The following ZNF609 variants were observed in gnomAD, a reference collection of about 807,000 sequenced individuals.
ZNF609 encodes zinc finger protein 609.
ZNF609 carries 11 observed loss-of-function variants against 109.5 expected under a neutral mutation model. That is an observed-to-expected ratio of 0.10 (90% CI 0.06 to 0.17). The LOEUF (loss-of-function observed/expected upper bound fraction) is 0.17. Ranked by LOEUF, ZNF609 falls within the 10% of genes least tolerant of loss-of-function variation. The pLI is 1.00. For missense variants in ZNF609, 1,559 were observed against 1,772.4 expected, an observed-to-expected ratio of 0.88 and a Z score of 2.16; for synonymous variants, 646 against 662.0, an observed-to-expected ratio of 0.98 and a Z score of 0.37.
intron 2 of ZNF609, among the ~76,000 whole-genome samples, chr15:64,512,847 G>A (rs1780779517): frequency 6.6e-6 from 1 of 151,482 alleles, no homozygotes; most frequent in Non-Finnish European, 1.5e-5. Flanking sequence ...AAACTTTTAG[G>A]TTTAGGGATA....
At chr15:64,559,018 G>A (rs144433732) in intron 2 of ZNF609, among the ~76,000 whole-genome samples, 1 of 152,066 alleles carries the variant, frequency 6.6e-6, no homozygotes, top group East Asian at 1.9e-4. Context: ...GCACTTTTTA[G>A]TGTCTGAGAG....
At chr15:64,528,284 A>G (rs947437894) in intron 2 of ZNF609, among the ~76,000 whole-genome samples, 4 of 151,704 alleles carry the variant, frequency 2.6e-5, no homozygotes, top group African/African-American at 9.7e-5. Context: ...TTTTTAGTAG[A>G]GATGGGGTTT....
At position 64,499,298 on chromosome 15, in the gene ZNF609, A is replaced by G; in HGVS notation, c.-122A>G. 1.5e-6 allele frequency: 2 copies of G among 1,297,822 alleles called. No homozygotes were observed. Among genetic ancestry groups the G allele is most frequent in the South Asian group, 3.1e-5 (2 of 64,980 alleles). The allele number at this position is 1,297,822 out of a possible 1,614,324, so 80.4% of individuals were successfully genotyped here. A position where few individuals can be genotyped will look rare whatever the true frequency, so the allele number is the denominator to read the frequency against. On this transcript the variant is annotated 5_prime_UTR_variant, in exon 2 of 10. It removes an upstream start codon present in the reference 5' UTR. Coordinates refer to ENST00000326648, the MANE Select transcript of ZNF609 (RefSeq NM_015042.2). Reference sequence around the variant, plus strand: ...TTTAAATTTTCTTTTTCCAGCAATGATGTTGTCCACTGGGCATGTACTGAC... The same window carrying G: ...TTTAAATTTTCTTTTTCCAGCAATGGTGTTGTCCACTGGGCATGTACTGAC...
intron 2 of ZNF609, among the ~76,000 whole-genome samples, chr15:64,534,672 C>T (rs1044866374): frequency 2.0e-5 from 3 of 151,966 alleles, no homozygotes; most frequent in African/African-American, 7.3e-5. Flanking sequence ...CAGTATATTC[C>T]CACCTCCATC....
chr15:64,678,342 T>A lies in ZNF609; in HGVS notation c.3629T>A (p.Val1210Asp). The change falls in exon 6 of 10, where the codon GTC (valine) becomes GAC (aspartate). Residue 1210 changes from valine to aspartate, a missense_variant. Transcript: ENST00000326648. ...RLGSKEPRPS[V>D]HVPVSSPLTQ... ...GGGAGCAAGGAGCCCCGGCCAAGTG[T>A]CCATGTGCCTGTGTCCTCCCCACTT... 1 of 1,614,080 alleles carries A rather than the reference T, an allele frequency of 6.2e-7. No individual in the cohort carries two copies.
chr15:64,588,570 C>T (rs934833094), intron 2 of ZNF609, among the ~76,000 whole-genome samples: 24 of 151,532 alleles, frequency 1.6e-4, no homozygotes, highest in Non-Finnish European at 2.9e-4. Flanking sequence ...GTCTCAAACT[C>T]CTGGGCTCAG....
At chr15:64,570,953 G>A (rs1029958434) in intron 2 of ZNF609, among the ~76,000 whole-genome samples, 9 of 152,160 alleles carry the variant, frequency 5.9e-5, no homozygotes, top group African/African-American at 2.2e-4. Context: ...TTGAACCTGG[G>A]AGGCGGAAGT....
chr15:64,579,893 A>G (rs1348117333), intron 2 of ZNF609, among the ~76,000 whole-genome samples: 1 of 152,228 alleles, frequency 6.6e-6, no homozygotes, highest in East Asian at 1.9e-4. Flanking sequence ...AGTCTTTTGT[A>G]TTTACCTACT....
chr15:64,543,191 C>T (rs1423076993), intron 2 of ZNF609, among the ~76,000 whole-genome samples: 1 of 151,366 alleles, frequency 6.6e-6, no homozygotes, highest in African/African-American at 2.4e-5. Flanking sequence ...TTAAAAATTC[C>T]AGTCTCTTAA....
chr15:64,541,862 A>AAAG (rs1567009714), intron 2 of ZNF609, among the ~76,000 whole-genome samples: 1 of 150,918 alleles, frequency 6.6e-6, no homozygotes, highest in African/African-American at 2.4e-5. Flanking sequence ...AAAAAAAAAA[A>AAAG]AAGTAGAATT....
In ZNF609 at chr15:64,681,992, T is replaced by C. The variant is rs1204291004; in HGVS notation, c.*306T>C. 1 of 152,868 alleles carries C rather than the reference T, an allele frequency of 6.5e-6. No individual in the cohort carries two copies. Among genetic ancestry groups the C allele is most frequent in the Non-Finnish European group, 1.5e-5 (1 of 68,234 alleles). 9.5% of individuals were successfully genotyped at this position (152,868 alleles called of 1,614,324 possible). A position where few individuals can be genotyped will look rare whatever the true frequency, so the allele number is the denominator to read the frequency against. On this transcript the variant is annotated 3_prime_UTR_variant, in exon 10 of 10. Transcript: ENST00000326648. The stretch of plus-strand genomic sequence containing the variant: ...GGCACGGGAAGCAACCAGGGGAACA[T>C]GGCCTCAGCCCAGAGAAGCCACTGC...
intron 2 of ZNF609, among the ~76,000 whole-genome samples, chr15:64,607,295 A>G (rs971329237): frequency 6.6e-6 from 1 of 152,138 alleles, no homozygotes; most frequent in African/African-American, 2.4e-5. Context: ...CATTATATAC[A>G]TTATCTGTAA....
Position 64,658,591 on chromosome 15 carries a change from A to G in ZNF609, c.974-11755A>G, listed in dbSNP as rs76775677. 1.0e-2 allele frequency among the ~76,000 whole-genome samples: 1,519 copies of G among 152,144 alleles called. 21 individuals carry two copies. Among genetic ancestry groups the G allele is most frequent in the Non-Finnish European group, 0.017 (1,159 of 68,000 alleles). On this transcript the variant is annotated intron_variant, in intron 3 of 9. Transcript: ENST00000326648. Reference sequence around the variant, plus strand: ...ACACACACACACACACACATTATATATAATATACATATTATGTATAATATA... The same window carrying G: ...ACACACACACACACACACATTATATGTAATATACATATTATGTATAATATA...
chr15:64,563,809 A>C (rs1894728700), intron 2 of ZNF609, among the ~76,000 whole-genome samples: 1 of 149,430 alleles, frequency 6.7e-6, no homozygotes, highest in Middle Eastern at 3.2e-3. Context: ...CAAAACAAAA[A>C]AACCCATATA....
Position 64,675,273 on chromosome 15 carries a change from A to C in ZNF609, c.2419A>C (p.Ile807Leu), listed in dbSNP as rs1383453494. The part of the protein sequence containing the change: ...SFTDNAPSPS[I>L]GGSSRLENTT... ...CACGGACAATGCCCCCAGCCCTTCCATTGGAGGCAGTAGCCGCCTTGAAAA... is the reference window on the plus strand; with the variant it reads ...CACGGACAATGCCCCCAGCCCTTCCCTTGGAGGCAGTAGCCGCCTTGAAAA... Residue 807 changes from isoleucine (I) to leucine (L), a missense_variant, in exon 5 of 10, where the codon ATT (isoleucine) becomes CTT (leucine). Transcript: ENST00000326648. 2.5e-6 allele frequency: 4 copies of C among 1,613,908 alleles called. No individual in the cohort carries two copies. In the Admixed American group the frequency reaches 6.7e-5, roughly 27 times the overall value.
At chr15:64,680,455 C>A in intron 7 of ZNF609, 95 bp downstream of exon 7, 2 of 1,494,122 alleles carry the variant, frequency 1.3e-6, no homozygotes, top group South Asian at 1.2e-5. Context: ...GTCCTGACCA[C>A]AGTGCAGCTT....
At position 64,576,956 on chromosome 15, in the gene ZNF609, G is replaced by A. The variant is rs1251423901; in HGVS notation, c.748-45871G>A. Among the ~76,000 whole-genome samples, 13 of 121,146 alleles carry A rather than the reference G, an allele frequency of 1.1e-4. 1 individual carries two copies. The highest frequency in any genetic ancestry group is 1.7e-4 in the Non-Finnish European group (10 of 58,586). 79.5% of individuals were successfully genotyped at this position (121,146 alleles called of 152,430 possible). A position where few individuals can be genotyped will look rare whatever the true frequency, so the allele number is the denominator to read the frequency against. ...TATACATATAAATATATACATATATGTATATATACACATAAATATATATAT... is the reference window on the plus strand; with the variant it reads ...TATACATATAAATATATACATATATATATATATACACATAAATATATATAT... On this transcript the variant is annotated intron_variant, in intron 2 of 9. Transcript: ENST00000326648.
chr15:64,651,979 G>C (rs990100123), intron 3 of ZNF609, among the ~76,000 whole-genome samples: 2 of 150,284 alleles, frequency 1.3e-5, no homozygotes, highest in Admixed American at 6.6e-5. Context: ...TTGTTGTTCA[G>C]AAATTAAAAA....
At position 64,665,799 on chromosome 15, in the gene ZNF609, G is replaced by A. The variant is rs183480087; in HGVS notation, c.974-4547G>A. Among the ~76,000 whole-genome samples, 934 of 151,988 alleles carry A rather than the reference G, an allele frequency of 6.1e-3. 3 individuals carry two copies. Among genetic ancestry groups the A allele is most frequent in the Non-Finnish European group, 9.8e-3 (667 of 67,962 alleles). Reference sequence around the variant, plus strand: ...TACATGCCTGTAATCCCAGCTACTCGGGAGGCTGAGGCAGGAGAATTGCTT... The same window carrying A: ...TACATGCCTGTAATCCCAGCTACTCAGGAGGCTGAGGCAGGAGAATTGCTT... On this transcript the variant is annotated intron_variant, in intron 3 of 9. Transcript: ENST00000326648.
Sources: gnomAD v4.1 joint callset for allele counts (sites outside exome capture counted in the v4.1 genomes callset) on GRCh38, gnomAD v4.1.1 for gene constraint, MANE v1.5 for transcripts, NCBI Gene and HGNC (gene_info 2026-07-23, HGNC 2026-07-21) for gene names.